The following NT5C2 variants were observed in gnomAD, a reference collection of about 807,000 sequenced individuals.
NT5C2 encodes 5'-nucleotidase, cytosolic II.
Under a neutral mutation model 76.1 loss-of-function variants are expected in NT5C2, and 58 were observed. The observed-to-expected ratio is 0.76, with a 90% CI of 0.62 to 0.95. The LOEUF is 0.95. Ranked by LOEUF, NT5C2 falls within the 40% of genes least tolerant of loss-of-function variation. The pLI is 0.00. For missense variants in NT5C2, 478 were observed against 690.3 expected (o/e 0.69, Z 3.45); for synonymous variants, 229 against 237.4 (o/e 0.96, Z 0.32).
chr10:103,145,330 A>G (rs2081285933), intron 3 of NT5C2, among the ~76,000 whole-genome samples: 1 of 152,180 alleles, frequency 6.6e-6, no homozygotes, highest in African/African-American at 2.4e-5. Context: ...ACTACTCTTC[A>G]CTGAGGTTAT....
At chr10:103,142,622 T>G (rs1166019284) in intron 3 of NT5C2, among the ~76,000 whole-genome samples, 1 of 151,784 alleles carries the variant, frequency 6.6e-6, no homozygotes, top group Non-Finnish European at 1.5e-5. Flanking sequence ...GAGCCAAGAT[T>G]GTACCACTGC....
intron 4 of NT5C2, among the ~76,000 whole-genome samples, chr10:103,115,638 A>C (rs1366818710): frequency 6.6e-6 from 1 of 152,188 alleles, no homozygotes; most frequent in South Asian, 2.1e-4. Flanking sequence ...CAATCTTTTA[A>C]ATTTCCTAAT....
intron 2 of NT5C2, among the ~76,000 whole-genome samples, chr10:103,175,256 A>C (rs2089538609): frequency 6.6e-6 from 1 of 152,186 alleles, no homozygotes; most frequent in African/African-American, 2.4e-5. Context: ...CTCTAATCCT[A>C]GATTCTAGAA....
chr10:103,089,931 C>T (rs1255839676), intron 18 of NT5C2, 23 bp from the exon 19 acceptor site: 2 of 1,560,360 alleles, frequency 1.3e-6, no homozygotes, highest in Non-Finnish European at 1.7e-6. Flanking sequence ...AAGCTAGAGG[C>T]TCAGAAAGCA....
intron 3 of NT5C2, among the ~76,000 whole-genome samples, chr10:103,141,925 G>A (rs1177881703): frequency 6.6e-6 from 1 of 152,198 alleles, no homozygotes; most frequent in Non-Finnish European, 1.5e-5. Context: ...ATGGAGGAGA[G>A]AGTACCAGTT....
chr10:103,191,359 C>T (rs2092624296), intron 1 of NT5C2, among the ~76,000 whole-genome samples: 1 of 147,780 alleles, frequency 6.8e-6, no homozygotes. Flanking sequence ...TCCAGCCTGG[C>T]CAACAAGAGC....
At chr10:103,156,199 G>A (rs906713836) in intron 3 of NT5C2, among the ~76,000 whole-genome samples, 6 of 152,044 alleles carry the variant, frequency 3.9e-5, no homozygotes, top group Non-Finnish European at 8.8e-5. Context: ...AAGGCTGAAG[G>A]TGGGGAGACC....
chr10:103,158,271 AAAG>A (rs1451966878), intron 3 of NT5C2, among the ~76,000 whole-genome samples: 5 of 152,258 alleles, frequency 3.3e-5, no homozygotes, highest in East Asian at 3.9e-4. Flanking sequence ...ACATATTTAA[AAAG>A]AAGAAACATC....
At chr10:103,150,043 G>C (rs1416493816) in intron 3 of NT5C2, among the ~76,000 whole-genome samples, 2 of 152,192 alleles carry the variant, frequency 1.3e-5, no homozygotes, top group East Asian at 1.9e-4. Context: ...AGCTTCTCAA[G>C]TCTCATTCCT....
At position 103,089,563 on chromosome 10, in the gene NT5C2, C is replaced by T. The variant is rs1425328019; in HGVS notation, c.*109G>A. 3 of 1,423,276 alleles carry T rather than the reference C, an allele frequency of 2.1e-6. No individual in the cohort carries two copies. Among genetic ancestry groups the T allele is most frequent in the Non-Finnish European group, 2.8e-6 (3 of 1,086,644 alleles). 88.2% of individuals were successfully genotyped at this position (1,423,276 alleles called of 1,614,324 possible). A position where few individuals can be genotyped will look rare whatever the true frequency, so the allele number is the denominator to read the frequency against. On this transcript the variant is annotated 3_prime_UTR_variant, in exon 19 of 19. Transcript: ENST00000404739. ...TCAGAAACTTTTCAGACGTACCTTTCATGGAGCCCCCTCCCTCCCCCGAGT... is the reference window on the plus strand; with the variant it reads ...TCAGAAACTTTTCAGACGTACCTTTTATGGAGCCCCCTCCCTCCCCCGAGT...
intron 3 of NT5C2, among the ~76,000 whole-genome samples, chr10:103,140,653 CA>C (rs2080241720): frequency 6.6e-6 from 1 of 152,242 alleles, no homozygotes; most frequent in Non-Finnish European, 1.5e-5. Context: ...TTGCCACCAA[CA>C]GTGTACAAGT....
intron 4 of NT5C2, among the ~76,000 whole-genome samples, chr10:103,131,693 G>C (rs2078199660): frequency 6.6e-6 from 1 of 152,180 alleles, no homozygotes; most frequent in Admixed American, 6.5e-5. Flanking sequence ...GGCCAAGGCA[G>C]GTAGATCGCT....
At chr10:103,170,204 G>A (rs2087539371) in intron 3 of NT5C2, among the ~76,000 whole-genome samples, 1 of 152,124 alleles carries the variant, frequency 6.6e-6, no homozygotes. Context: ...TAGCTACTGG[G>A]GAGGCTGTGG....
chr10:103,171,474 G>C, intron 3 of NT5C2, among the ~76,000 whole-genome samples: 1 of 152,232 alleles, frequency 6.6e-6, no homozygotes. Flanking sequence ...AAACAGCTAA[G>C]TGATTAAGAG....
At chr10:103,108,551 T>C (rs996508819) in intron 4 of NT5C2, among the ~76,000 whole-genome samples, 3 of 152,192 alleles carry the variant, frequency 2.0e-5, no homozygotes, top group African/African-American at 7.2e-5. Flanking sequence ...AGTTGCCACG[T>C]AGGAAAGGAA....
At chr10:103,109,588 T>C (rs2072383647) in intron 4 of NT5C2, among the ~76,000 whole-genome samples, 1 of 152,232 alleles carries the variant, frequency 6.6e-6, no homozygotes, top group Admixed American at 6.5e-5. Context: ...TTACAGGATT[T>C]GGTCCATATA....
intron 1 of NT5C2, among the ~76,000 whole-genome samples, chr10:103,188,813 C>T (rs1219407373): frequency 2.0e-5 from 3 of 152,146 alleles, no homozygotes; most frequent in Non-Finnish European, 4.4e-5. Flanking sequence ...ACCAGCCTGG[C>T]CAACATGGTG....
At chr10:103,125,220 T>C (rs2076436887) in intron 4 of NT5C2, 1 of 775,242 alleles carries the variant, frequency 1.3e-6, no homozygotes, top group South Asian at 1.4e-5. Flanking sequence ...CCTGTGAGGT[T>C]CACTACAATT....
chr10:103,103,674 TTAC>T (rs758996615), intron 6 of NT5C2, among the ~76,000 whole-genome samples: 2 of 151,978 alleles, frequency 1.3e-5, no homozygotes, highest in Non-Finnish European at 1.5e-5. Flanking sequence ...ACAGCACAGA[TTAC>T]TACTAACTTT....
Sources: gnomAD v4.1 joint callset for allele counts (sites outside exome capture counted in the v4.1 genomes callset) on GRCh38, gnomAD v4.1.1 for gene constraint, MANE v1.5 for transcripts, NCBI Gene and HGNC (gene_info 2026-07-23, HGNC 2026-07-21) for gene names.